FHIT: variants seen among roughly 807,000 people sequenced by gnomAD.
The protein encoded by FHIT is bis(5'-adenosyl)-triphosphatase.
FHIT carries 19 observed loss-of-function variants against 17.9 expected under a neutral mutation model. That is an observed-to-expected ratio of 1.06 (90% CI 0.74 to 1.56). FHIT has a LOEUF of 1.56. Among genes scored for constraint, FHIT ranks in the 40% most tolerant of loss-of-function variants. The pLI is 0.00. For synonymous variants in FHIT, 81 were observed against 69.7 expected (o/e 1.16, Z -0.81); for missense variants, 248 against 189.2 (o/e 1.31, Z -1.82).
At position 60,665,941 on chromosome 3, in the gene FHIT, A is replaced by T. The variant is rs546884363; in HGVS notation, c.-17-128962T>A. ...AGTGTTTTGGGAAGTACTTCTTTGTATAGTTTTCACTGTGGTTTCCCTGAG... is the reference window on the plus strand; with the variant it reads ...AGTGTTTTGGGAAGTACTTCTTTGTTTAGTTTTCACTGTGGTTTCCCTGAG... On this transcript the variant is annotated intron_variant, in intron 4 of 9. Coordinates refer to ENST00000492590, the MANE Select transcript of FHIT (RefSeq NM_002012.4). 1.2e-4 allele frequency among the ~76,000 whole-genome samples: 18 copies of T among 152,164 alleles called. No individual in the cohort carries two copies. The East Asian group carries it at 3.5e-3, about 29-fold the overall frequency.
At chr3:60,906,994 A>G in intron 3 of FHIT, among the ~76,000 whole-genome samples, 1 of 152,126 alleles carries the variant, frequency 6.6e-6, no homozygotes, top group East Asian at 1.9e-4. Flanking sequence ...CCAGAAATGT[A>G]TAATAATACA....
intron 5 of FHIT, among the ~76,000 whole-genome samples, chr3:60,468,026 C>T (rs998993778): frequency 6.6e-6 from 1 of 151,970 alleles, no homozygotes. Context: ...CTGAATTGAC[C>T]CCTTTGTCAT....
intron 3 of FHIT, among the ~76,000 whole-genome samples, chr3:61,033,839 A>C (rs2033119240): frequency 6.6e-6 from 1 of 152,214 alleles, no homozygotes; most frequent in South Asian, 2.1e-4. Flanking sequence ...AAATCTGTGT[A>C]TATCAGAATT....
At chr3:61,159,139 A>T (rs1212217495) in intron 2 of FHIT, among the ~76,000 whole-genome samples, 1 of 152,218 alleles carries the variant, frequency 6.6e-6, no homozygotes, top group Non-Finnish European at 1.5e-5. Flanking sequence ...TAAATAATTT[A>T]AAAATAATTT....
rs139842510 is a variant in FHIT at position 60,937,075 on chromosome 3, T to C, written c.-111+104972A>G. Among the ~76,000 whole-genome samples, 569 of 152,320 alleles carry C rather than the reference T, an allele frequency of 3.7e-3. 6 individuals carry two copies. The highest frequency in any genetic ancestry group is 6.0e-3 in the Non-Finnish European group (407 of 68,028). On this transcript the variant is annotated intron_variant, in intron 3 of 9. Coordinates refer to ENST00000492590, the MANE Select transcript of FHIT (RefSeq NM_002012.4). ...CCTCAAATTCTGTAAGCAGGTTAGATGTCTTGAAATACAAAGACTCTCATC... is the reference window on the plus strand; with the variant it reads ...CCTCAAATTCTGTAAGCAGGTTAGACGTCTTGAAATACAAAGACTCTCATC...
In FHIT at chr3:60,014,104, C is replaced by T. The variant is rs755667398; in HGVS notation, c.152G>A (p.Arg51His). 26 of 1,613,940 alleles carry T rather than the reference C, an allele frequency of 1.6e-5. No individual in the cohort carries two copies. Among genetic ancestry groups the T allele is most frequent in the South Asian group, 4.4e-5 (4 of 91,086 alleles). ...AAACAAATCGGCCACTTCATCAGGA[C>T]GCAGGTCATGGAAGCGCTCCACTGG... is the stretch of plus-strand genomic sequence containing the variant. ...LRPVERFHDL[R>H]PDEVADLFQT... is the part of the protein sequence containing the mutation. Residue 51 changes from arginine to histidine, a missense_variant, in exon 6 of 10, where the codon CGT becomes CAT. Arg to His is a conservative substitution (Grantham distance 29). Coordinates refer to ENST00000492590, the MANE Select transcript of FHIT (RefSeq NM_002012.4).
intron 3 of FHIT, among the ~76,000 whole-genome samples, chr3:60,990,482 T>C (rs964025163): frequency 6.6e-6 from 1 of 152,242 alleles, no homozygotes; most frequent in Non-Finnish European, 1.5e-5. Flanking sequence ...GTGACATTTC[T>C]TATTTTTAAA....
In FHIT at chr3:60,454,844, G is replaced by A. The variant is rs531757853; in HGVS notation, c.103+82016C>T. Among the ~76,000 whole-genome samples the A allele has an allele frequency of 2.6e-4, 40 of 152,088 alleles. 1 individual carries two copies. The South Asian group carries it at 8.3e-3, about 32-fold the overall frequency. On this transcript the variant is annotated intron_variant, in intron 5 of 9. Transcript: ENST00000492590. ...CTTCCCAGGAGACACTACTTATCCA[G>A]GGTTGTAAAGATAAGGAAACTGAGG... is the stretch of plus-strand genomic sequence containing the variant.
intron 5 of FHIT, among the ~76,000 whole-genome samples, chr3:60,478,700 T>C (rs767545338): frequency 6.6e-6 from 1 of 152,202 alleles, no homozygotes; most frequent in Non-Finnish European, 1.5e-5. Flanking sequence ...CCCACTATAT[T>C]GCATGCTGCT....
At position 60,860,972 on chromosome 3, in the gene FHIT, GTA is replaced by G. The variant is rs1345980461; in HGVS notation, c.-110-38963_-110-38962del. On this transcript the variant is annotated intron_variant, in intron 3 of 9. Transcript: ENST00000492590. Reference sequence around the variant, plus strand: ...TGATACATATATACGTATATATCATGTATATATGATACATATATACGTATATA... The same window carrying G: ...TGATACATATATACGTATATATCATGTATATGATACATATATACGTATATA... Among the ~76,000 whole-genome samples the G allele has an allele frequency of 2.1e-5, 2 of 93,440 alleles. 1 individual carries two copies. The highest frequency in any genetic ancestry group is 6.1e-4 in the South Asian group (2 of 3,294). 61.3% of individuals were successfully genotyped at this position (93,440 alleles called of 152,430 possible).
intron 3 of FHIT, among the ~76,000 whole-genome samples, chr3:60,835,673 A>G (rs945127206): frequency 2.6e-5 from 4 of 152,130 alleles, no homozygotes; most frequent in African/African-American, 9.7e-5. Flanking sequence ...GCACACAGGT[A>G]TTGGCACAAA....
rs575083752 is a variant in FHIT at position 60,266,353 on chromosome 3, T to C, written c.104-252201A>G. ...GAAATGTCCAGAACAGGCCAAGATA[T>C]AAAAACATAAAATGGAATCATAATG... On this transcript the variant is annotated intron_variant, in intron 5 of 9. Transcript: ENST00000492590. Among the ~76,000 whole-genome samples, 5 of 152,052 alleles carry C rather than the reference T, an allele frequency of 3.3e-5. No homozygotes were observed. The South Asian group carries it at 1.0e-3, about 32-fold the overall frequency.
At chr3:60,063,607 T>C (rs1702381083) in intron 5 of FHIT, among the ~76,000 whole-genome samples, 1 of 152,188 alleles carries the variant, frequency 6.6e-6, no homozygotes, top group Non-Finnish European at 1.5e-5. Context: ...AAGAAAGGAA[T>C]GAAGAGATTT....
chr3:60,464,140 G>C (rs1305629905), intron 5 of FHIT, among the ~76,000 whole-genome samples: 2 of 152,080 alleles, frequency 1.3e-5, no homozygotes, highest in East Asian at 1.9e-4. Flanking sequence ...TTCACTAAAA[G>C]ATCTTGTCTC....
intron 3 of FHIT, among the ~76,000 whole-genome samples, chr3:60,843,738 G>A (rs575812987): frequency 1.3e-3 from 198 of 152,278 alleles, no homozygotes; most frequent in Non-Finnish European, 2.3e-3. Context: ...AGCCTATCAT[G>A]AATTTCTTTT....
chr3:60,230,300 T>G (rs919312241), intron 5 of FHIT, among the ~76,000 whole-genome samples: 16 of 152,128 alleles, frequency 1.1e-4, no homozygotes, highest in African/African-American at 3.9e-4. Context: ...CACAGTCAAA[T>G]AATAAGAGAA....
chr3:60,830,043 C>G (rs1036773797), intron 3 of FHIT, among the ~76,000 whole-genome samples: 27 of 152,166 alleles, frequency 1.8e-4, no homozygotes, highest in Admixed American at 1.6e-3. Flanking sequence ...TCATGTTTAC[C>G]ATACTTTTCC....
chr3:59,840,430 A>C (rs1256958226), intron 8 of FHIT, among the ~76,000 whole-genome samples: 2 of 151,908 alleles, frequency 1.3e-5, no homozygotes, highest in East Asian at 3.9e-4. Context: ...ATCTATCAAA[A>C]TTTCAATGAG....
intron 2 of FHIT, among the ~76,000 whole-genome samples, chr3:61,048,538 A>T (rs1157914193): frequency 6.6e-6 from 1 of 152,334 alleles, no homozygotes; most frequent in Non-Finnish European, 1.5e-5. Flanking sequence ...TGGGACTGTA[A>T]ACTAGTGCAA....
Sources: gnomAD v4.1 joint callset for allele counts (sites outside exome capture counted in the v4.1 genomes callset) on GRCh38, gnomAD v4.1.1 for gene constraint, MANE v1.5 for transcripts, NCBI Gene and HGNC (gene_info 2026-07-23, HGNC 2026-07-21) for gene names.